The following RIMBP2 variants were observed in gnomAD, a reference collection of about 807,000 sequenced individuals.
RIMBP2 encodes the protein RIMS binding protein 2, also known as RIMS-binding protein 2.
Under a neutral mutation model 118.6 loss-of-function variants are expected in RIMBP2, and 48 were observed. The ratio of observed to expected loss-of-function variants is 0.40; its 90% CI spans 0.32 to 0.51. The LOEUF is 0.51. Among genes scored for constraint, RIMBP2 ranks in the 20% least tolerant of loss-of-function variants. The probability of loss-of-function intolerance (pLI) is 0.41; values close to 1 mark genes in which losing one functional copy is unlikely to be tolerated. For synonymous variants in RIMBP2, 762 were observed against 742.9 expected (o/e 1.03, Z -0.42); for missense variants, 1,551 against 1,768.3 (o/e 0.88, Z 2.20).
chr12:130,633,094 G>T (rs1403842783), intron 1 of RIMBP2, among the ~76,000 whole-genome samples: 2 of 152,122 alleles, frequency 1.3e-5, no homozygotes, highest in East Asian at 3.9e-4. Context: ...AATAAAAAAA[G>T]AACCCCCCAG....
At chr12:130,535,755 A>ATATATATACATATATATATG (rs2054002475) in intron 2 of RIMBP2, among the ~76,000 whole-genome samples, 1 of 43,894 alleles carries the variant, frequency 2.3e-5, no homozygotes, top group Non-Finnish European at 5.0e-5. Flanking sequence ...ATATATATAT[A>ATATATATACATATATATATG]TATATATATA....
intron 6 of RIMBP2, chr12:130,470,373 C>T (rs1199079428): frequency 2.1e-5 from 6 of 291,488 alleles, no homozygotes; most frequent in Non-Finnish European, 3.8e-5. Flanking sequence ...TGAGCCACGC[C>T]CCCTCACTTT....
chr12:130,479,122 AGCAGCCCCTCACC>A, intron 4 of RIMBP2, 106 bp from the exon 5 acceptor site: 1 of 822,252 alleles, frequency 1.2e-6, no homozygotes, highest in South Asian at 2.1e-5. Flanking sequence ...GTCACTCCAG[AGCAGCCCCTCACC>A]GCCCCACAGG....
chr12:130,455,758 C>T (rs1411285199), intron 7 of RIMBP2, among the ~76,000 whole-genome samples: 1 of 152,048 alleles, frequency 6.6e-6, no homozygotes. Context: ...CTCATCTCCC[C>T]TAATTTTTTT....
intron 2 of RIMBP2, among the ~76,000 whole-genome samples, chr12:130,603,084 C>A (rs1015727156): frequency 5.9e-5 from 9 of 152,034 alleles, no homozygotes; most frequent in African/African-American, 2.2e-4. Flanking sequence ...AGAAACAGTA[C>A]TAATAAAAAG....
Position 130,475,669 on chromosome 12 carries a change from C to CAAG in RIMBP2, c.102+3242_102+3243insCTT. ...AAGCCCCCCAGAGGACTGAGACTCT[C>CAAG]TTGAGAGGAATTTTACAGCTTCAGC... On this transcript the variant is annotated intron_variant, in intron 5 of 22. Transcript: ENST00000690449. This position sits in a 1 kb window ranked among gnomAD's most constrained non-coding sequence, Gnocchi z 4.1. 6.6e-6 allele frequency among the ~76,000 whole-genome samples: 1 copy of CAAG among 151,898 alleles called. No homozygotes were observed. The highest frequency in any genetic ancestry group is 1.5e-5 in the Non-Finnish European group (1 of 67,998).
At chr12:130,549,242 C>T (rs992980420) in intron 2 of RIMBP2, among the ~76,000 whole-genome samples, 8 of 152,192 alleles carry the variant, frequency 5.3e-5, no homozygotes, top group African/African-American at 9.7e-5. Context: ...CAGCCTCTAC[C>T]ATATGGACTA....
chr12:130,673,229 C>T (rs10848181), intron 1 of RIMBP2, among the ~76,000 whole-genome samples: 149,464 of 152,336 alleles, frequency 0.98, 73,384 homozygotes, highest in East Asian at 1. Context: ...GGTGCCTCGC[C>T]GGACAACTCA....
At chr12:130,513,533 C>T (rs2051138092) in intron 3 of RIMBP2, among the ~76,000 whole-genome samples, 1 of 152,062 alleles carries the variant, frequency 6.6e-6, no homozygotes, top group African/African-American at 2.4e-5. Flanking sequence ...CTTTAACAGG[C>T]ACCTCCTAAC....
chr12:130,710,942 C>A lies in RIMBP2; in HGVS notation c.-352+5280G>T, dbSNP rs1312726299. Reference sequence around the variant, plus strand: ...CACCTCCCTTTCTCGTGTAGGTGAGCATTAAGAAGAGGCTATCTGACCAGG... The same window carrying A: ...CACCTCCCTTTCTCGTGTAGGTGAGAATTAAGAAGAGGCTATCTGACCAGG... On this transcript the variant is annotated intron_variant, in intron 1 of 22. Coordinates refer to ENST00000690449, the MANE Select transcript of RIMBP2 (RefSeq NM_001393629.1). The surrounding 1 kb of genome is among the most constrained non-coding windows in gnomAD (Gnocchi z 4.3). Among the ~76,000 whole-genome samples, 2 of 152,214 alleles carry A rather than the reference C, an allele frequency of 1.3e-5. No individual in the cohort carries two copies. The highest frequency in any genetic ancestry group is 4.8e-5 in the African/African-American group (2 of 41,464).
chr12:130,443,080 G>A (rs1025830484), intron 10 of RIMBP2, among the ~76,000 whole-genome samples: 6 of 152,218 alleles, frequency 3.9e-5, no homozygotes, highest in Admixed American at 1.3e-4. Context: ...AGTGGCTTTT[G>A]GAGATTAAGA....
intron 2 of RIMBP2, among the ~76,000 whole-genome samples, chr12:130,579,463 G>A (rs1452341141): frequency 6.6e-6 from 1 of 152,138 alleles, no homozygotes; most frequent in Non-Finnish European, 1.5e-5. Context: ...CACTGGGAGC[G>A]GCTCTTGGGA....
At chr12:130,440,867 G>A (rs2078062115) in intron 11 of RIMBP2, among the ~76,000 whole-genome samples, 1 of 152,174 alleles carries the variant, frequency 6.6e-6, no homozygotes, top group Admixed American at 6.5e-5. Context: ...ATCAGAGCGG[G>A]CAGTGGAGGC....
chr12:130,399,948 A>G, intron 21 of RIMBP2, 135 bp from the exon 22 acceptor site: 1 of 992,708 alleles, frequency 1.0e-6, no homozygotes, highest in South Asian at 1.7e-5. Flanking sequence ...AGGACTTGAA[A>G]GGACTCTAAA....
rs565748728 is a variant in RIMBP2, at chr12:130,447,748, G to A, written c.581+2452C>T. Among the ~76,000 whole-genome samples, 2 of 152,198 alleles carry A rather than the reference G, an allele frequency of 1.3e-5. No individual in the cohort carries two copies. The highest frequency in any genetic ancestry group is 2.9e-5 in the Non-Finnish European group (2 of 68,032). On this transcript the variant is annotated intron_variant, in intron 9 of 22. Transcript: ENST00000690449. This position sits in a 1 kb window ranked among gnomAD's most constrained non-coding sequence, Gnocchi z 4.4. The stretch of plus-strand genomic sequence containing the variant: ...CAGCCTCACCCTGGACCTCGGGTGG[G>A]AAGGACCCAGGAGCCCTCAGCAAGG...
At chr12:130,627,624 T>C (rs1482161167) in intron 2 of RIMBP2, among the ~76,000 whole-genome samples, 1 of 152,172 alleles carries the variant, frequency 6.6e-6, no homozygotes, top group African/African-American at 2.4e-5. Context: ...TCTACTGCTC[T>C]CTCAGTCTTT....
At chr12:130,476,744 A>G (rs2081463440) in intron 5 of RIMBP2, among the ~76,000 whole-genome samples, 1 of 152,058 alleles carries the variant, frequency 6.6e-6, no homozygotes, top group Non-Finnish European at 1.5e-5. Context: ...ACCCCTTGCC[A>G]TCATCTGGGC....
At chr12:130,603,589 C>T (rs547407955) in intron 2 of RIMBP2, among the ~76,000 whole-genome samples, 3 of 152,268 alleles carry the variant, frequency 2.0e-5, no homozygotes, top group South Asian at 2.1e-4. Flanking sequence ...TGGGTAAGTA[C>T]AGGCATAAGA....
chr12:130,605,970 AG>A (rs1446955671), intron 2 of RIMBP2, among the ~76,000 whole-genome samples: 1 of 152,208 alleles, frequency 6.6e-6, no homozygotes, highest in East Asian at 1.9e-4. Context: ...TGGGAGGCTA[AG>A]GCAGGAGAAT....
Sources: gnomAD v4.1 joint callset for allele counts (sites outside exome capture counted in the v4.1 genomes callset) on GRCh38, gnomAD v4.1.1 for gene constraint, Gnocchi (gnomAD v3.1) non-coding constraint, MANE v1.5 for transcripts, NCBI Gene and HGNC (gene_info 2026-07-23, HGNC 2026-07-21) for gene names.